Variants in PBX4 observed in about 807,000 individuals in gnomAD.
PBX4 encodes the protein PBX homeobox 4, also known as pre-B-cell leukemia transcription factor 4.
Under a neutral mutation model 35.1 loss-of-function variants are expected in PBX4, and 26 were observed. The observed-to-expected ratio is 0.74, with a 90% CI of 0.54 to 1.03. PBX4 has a LOEUF of 1.03. Among genes scored for constraint, PBX4 ranks in the 50% least tolerant of loss-of-function variants. The probability of loss-of-function intolerance (pLI) is 0.00; values close to 1 mark genes in which losing one functional copy is unlikely to be tolerated. For missense variants in PBX4, 448 were observed against 504.3 expected, an observed-to-expected ratio of 0.89 and a Z score of 1.07; for synonymous variants, 199 against 204.2, an observed-to-expected ratio of 0.97 and a Z score of 0.22.
chr19:19,576,106 G>C (rs553553658), intron 2 of PBX4, among the ~76,000 whole-genome samples: 2 of 152,290 alleles, frequency 1.3e-5, no homozygotes, highest in African/African-American at 4.8e-5. Context: ...TATGTATTTA[G>C]GGGCTGGGCG....
chr19:19,577,708 A>G (rs936232203), intron 2 of PBX4, among the ~76,000 whole-genome samples: 6 of 151,830 alleles, frequency 4.0e-5, no homozygotes, highest in Non-Finnish European at 7.4e-5. Flanking sequence ...AAAATACAAA[A>G]ATTAGCCAAG....
chr19:19,595,067 C>G (rs962631602), intron 2 of PBX4, among the ~76,000 whole-genome samples: 3 of 152,154 alleles, frequency 2.0e-5, no homozygotes, highest in African/African-American at 7.2e-5. Flanking sequence ...TACTAAATTC[C>G]AGATGTTGCA....
chr19:19,566,961 T>C lies in PBX4; in HGVS notation c.769-1872A>G, dbSNP rs117203123. Among the ~76,000 whole-genome samples the C allele has an allele frequency of 7.4e-3, 1,124 of 152,230 alleles. 72 individuals are homozygous for C. In the East Asian group the frequency reaches 0.15, roughly 21 times the overall value. On this transcript the variant is annotated intron_variant, in intron 5 of 7. Transcript: ENST00000251203. ...CTGACCTCAGGTGATTCGTCCGCCT[T>C]GGCCTCCAAAGTGCTGGGATTTCAG...
intron 2 of PBX4, among the ~76,000 whole-genome samples, chr19:19,584,825 T>C (rs901836587): frequency 5.3e-5 from 8 of 151,530 alleles, no homozygotes; most frequent in Admixed American, 3.3e-4. Context: ...GGGGTTTCAC[T>C]ATGTTGGCCA....
chr19:19,595,094 G>A (rs1421210985), intron 2 of PBX4, among the ~76,000 whole-genome samples: 1 of 152,222 alleles, frequency 6.6e-6, no homozygotes, highest in Non-Finnish European at 1.5e-5. Flanking sequence ...AACATCCGCT[G>A]TGGGCAGTGG....
chr19:19,599,628 A>G (rs1254698148), intron 1 of PBX4, among the ~76,000 whole-genome samples: 1 of 152,176 alleles, frequency 6.6e-6, no homozygotes. Flanking sequence ...ACTTGAGGTC[A>G]GGAGTTTGAG....
intron 2 of PBX4, among the ~76,000 whole-genome samples, chr19:19,598,297 CT>C (rs34977299): frequency 2.9e-3 from 378 of 129,228 alleles, no homozygotes; most frequent in Middle Eastern, 8.0e-3. Flanking sequence ...CTTTTCTTTC[CT>C]TTTTTTTTTT....
chr19:19,613,445 CAAAAAAAAAAAA>C lies in PBX4; in HGVS notation c.119+5054_119+5065del, dbSNP rs57256131. On this transcript the variant is annotated intron_variant, in intron 1 of 7. Coordinates refer to ENST00000251203, the MANE Select transcript of PBX4 (RefSeq NM_025245.3). The stretch of plus-strand genomic sequence containing the variant: ...AACACGCCAGAGCGAGACTCTGTCT[CAAAAAAAAAAAA>C]AAAAAAAAAAAAAAAAGTAACTGGC... Among the ~76,000 whole-genome samples, 243 of 113,594 alleles carry C rather than the reference CAAAAAAAAAAAA, an allele frequency of 2.1e-3. 3 individuals are homozygous for C. The highest frequency in any genetic ancestry group is 5.8e-3 in the African/African-American group (202 of 34,924). 74.5% of individuals were successfully genotyped at this position (113,594 alleles called of 152,430 possible).
intron 1 of PBX4, among the ~76,000 whole-genome samples, chr19:19,614,960 C>T (rs942754448): frequency 6.6e-6 from 1 of 151,438 alleles, no homozygotes. Context: ...AGGAGTTCAA[C>T]ACCAGCCTAG....
rs1239776664 is a variant in PBX4 at position 19,562,974 on chromosome 19, G to A, written c.1032+535C>T. ...CTGAACCCCTGGGAGAGAGTGGTGA[G>A]TTGGGAGGGGCACCCGGCTCTGCAG... On this transcript the variant is annotated intron_variant, in intron 7 of 7. Coordinates refer to ENST00000251203, the MANE Select transcript of PBX4 (RefSeq NM_025245.3). This position sits in a 1 kb window ranked among gnomAD's most constrained non-coding sequence, Gnocchi z 4.8. 3.3e-5 allele frequency among the ~76,000 whole-genome samples: 5 copies of A among 152,262 alleles called. No homozygotes were observed. Among genetic ancestry groups the A allele is most frequent in the Admixed American group, 2.0e-4 (3 of 15,300 alleles).
chr19:19,571,754 C>T (rs1411793715), intron 2 of PBX4, among the ~76,000 whole-genome samples: 5 of 152,080 alleles, frequency 3.3e-5, no homozygotes, highest in South Asian at 2.1e-4. Flanking sequence ...GCTTCACGGC[C>T]GGGCACAGTG....
chr19:19,612,601 G>A (rs972573035), intron 1 of PBX4, among the ~76,000 whole-genome samples: 2 of 152,280 alleles, frequency 1.3e-5, no homozygotes, highest in South Asian at 4.1e-4. Context: ...CTCCAGAGGG[G>A]TGGAAATAGC....
chr19:19,597,427 T>C (rs577989595), intron 2 of PBX4, among the ~76,000 whole-genome samples: 17 of 152,266 alleles, frequency 1.1e-4, no homozygotes, highest in African/African-American at 3.6e-4. Flanking sequence ...TAAGTATTAT[T>C]ATTGCCCCAC....
chr19:19,587,959 C>T (rs1161988501), intron 2 of PBX4: 1 of 420,436 alleles, frequency 2.4e-6, no homozygotes, highest in Non-Finnish European at 4.4e-6. Flanking sequence ...GGCAAGCTGC[C>T]AGTACACCAG....
At chr19:19,594,106 A>T (rs8104909) in intron 2 of PBX4, among the ~76,000 whole-genome samples, 117,876 of 145,130 alleles carry the variant, frequency 0.81, 48,265 homozygotes, top group East Asian at 0.98. Flanking sequence ...AAAATAAAAA[A>T]TAAAAAATTA....
At chr19:19,573,394 T>C (rs1468700335) in intron 2 of PBX4, among the ~76,000 whole-genome samples, 2 of 147,396 alleles carry the variant, frequency 1.4e-5, no homozygotes, top group African/African-American at 5.0e-5. Flanking sequence ...TCCCACCTTC[T>C]CCAAAACTGT....
chr19:19,607,099 G>A (rs1281056498), intron 1 of PBX4, among the ~76,000 whole-genome samples: 1 of 152,140 alleles, frequency 6.6e-6, no homozygotes, highest in African/African-American at 2.4e-5. Flanking sequence ...TGTTGCCCAG[G>A]CTGGAATGCA....
intron 6 of PBX4, among the ~76,000 whole-genome samples, chr19:19,564,245 T>G (rs2061327115): frequency 1.3e-5 from 2 of 150,020 alleles, no homozygotes; most frequent in African/African-American, 4.9e-5. Flanking sequence ...ATGCGGTGTT[T>G]GGTTTTTTGT....
Position 19,562,471 on chromosome 19 carries a change from G to A in PBX4, c.1033-354C>T, listed in dbSNP as rs1197928762. On this transcript the variant is annotated intron_variant, in intron 7 of 7. Transcript: ENST00000251203. The surrounding 1 kb of genome is among the most constrained non-coding windows in gnomAD (Gnocchi z 4.8). ...TGGAGCCCATGATGACGCCCGGAGC[G>A]TCATGGTGAGACTCGGTGGGAAAAA... 1.3e-5 allele frequency among the ~76,000 whole-genome samples: 2 copies of A among 152,026 alleles called. No individual in the cohort carries two copies. The highest frequency in any genetic ancestry group is 2.4e-5 in the African/African-American group (1 of 41,330).
Sources: allele counts gnomAD v4.1 joint callset (sites outside exome capture counted in the v4.1 genomes callset), GRCh38; gene constraint gnomAD v4.1.1; non-coding constraint Gnocchi (gnomAD v3.1); transcripts MANE v1.5; gene names NCBI Gene and HGNC (gene_info 2026-07-23, HGNC 2026-07-21).